The following PDE7B variants were observed in gnomAD, a reference collection of about 807,000 sequenced individuals.
PDE7B encodes the protein phosphodiesterase 7B.
Under a neutral mutation model 56.2 loss-of-function variants are expected in PDE7B, and 29 were observed. The ratio of observed to expected loss-of-function variants is 0.52; its 90% CI spans 0.38 to 0.70. PDE7B has a LOEUF of 0.70. PDE7B is among the 30% of genes least tolerant of loss of function. The pLI, the probability that PDE7B is intolerant of heterozygous loss-of-function variation, is 0.00. For missense variants in PDE7B, 490 were observed against 565.0 expected (o/e 0.87, Z 1.35); for synonymous variants, 197 against 196.9 (o/e 1.00, Z 0.00).
chr6:135,902,069 C>A (rs949703984), intron 1 of PDE7B, among the ~76,000 whole-genome samples: 1 of 152,080 alleles, frequency 6.6e-6, no homozygotes, highest in South Asian at 2.1e-4. Context: ...TTCCTCTTAC[C>A]GGACACTAAG....
At chr6:136,040,959 G>A (rs914431469) in intron 2 of PDE7B, among the ~76,000 whole-genome samples, 4 of 152,118 alleles carry the variant, frequency 2.6e-5, no homozygotes, top group Non-Finnish European at 5.9e-5. Flanking sequence ...ATCTTTACCT[G>A]TAGTTACTTA....
intron 2 of PDE7B, among the ~76,000 whole-genome samples, chr6:135,955,811 T>C (rs1278913049): frequency 1.3e-5 from 2 of 152,174 alleles, no homozygotes; most frequent in African/African-American, 2.4e-5. Context: ...GATAGAACTC[T>C]ACAATGGGTT....
In PDE7B at chr6:136,192,628, T is replaced by A. The variant is rs1779249499; in HGVS notation, c.*788T>A. On this transcript the variant is annotated 3_prime_UTR_variant, in exon 13 of 13. Coordinates refer to ENST00000308191, the MANE Select transcript of PDE7B (RefSeq NM_018945.4). ...ACATGTTTATATTCACCCATGTACA[T>A]TTTCTGTAAATACCAAACGCTACTG... 6.6e-6 allele frequency: 1 copy of A among 152,626 alleles called. No individual in the cohort carries two copies. Among genetic ancestry groups the A allele is most frequent in the African/African-American group, 2.4e-5 (1 of 41,436 alleles). 9.5% of individuals were successfully genotyped at this position (152,626 alleles called of 1,614,324 possible).
chr6:136,119,046 G>A (rs1777885682), intron 3 of PDE7B, among the ~76,000 whole-genome samples: 1 of 152,150 alleles, frequency 6.6e-6, no homozygotes, highest in Non-Finnish European at 1.5e-5. Flanking sequence ...ATACTTGTAA[G>A]CTGCCCCCAA....
intron 2 of PDE7B, among the ~76,000 whole-genome samples, chr6:136,016,602 A>G (rs1775982243): frequency 6.6e-6 from 1 of 152,226 alleles, no homozygotes; most frequent in South Asian, 2.1e-4. Context: ...AATGTTGCAC[A>G]GCAGGACTAT....
intron 2 of PDE7B, among the ~76,000 whole-genome samples, chr6:136,012,085 G>T (rs1038304723): frequency 5.9e-5 from 9 of 151,900 alleles, no homozygotes; most frequent in African/African-American, 2.2e-4. Flanking sequence ...TGTTCTACTT[G>T]CCCTGGCTCA....
intron 1 of PDE7B, among the ~76,000 whole-genome samples, chr6:135,855,502 G>T (rs1775009758): frequency 6.6e-6 from 1 of 152,094 alleles, no homozygotes; most frequent in African/African-American, 2.4e-5. Flanking sequence ...TTTCTATTTA[G>T]GTATTTATTT....
At chr6:136,110,234 C>A (rs576763795) in intron 3 of PDE7B, among the ~76,000 whole-genome samples, 22 of 152,200 alleles carry the variant, frequency 1.4e-4, no homozygotes, top group African/African-American at 5.3e-4. Context: ...GCCATTAGAC[C>A]AATGCAATAT....
chr6:135,928,499 A>T (rs867068982), intron 1 of PDE7B, among the ~76,000 whole-genome samples: 5 of 96,220 alleles, frequency 5.2e-5, no homozygotes, highest in African/African-American at 8.7e-5. Context: ...ATATATATAT[A>T]TTTATATATA....
At position 136,154,114 on chromosome 6, in the gene PDE7B, A is replaced by T; in HGVS notation, c.518A>T (p.His173Leu). ...GATTACCACAGCCAAAACCCGTATC[A>T]CAATGCTGTTCACGCAGCCGACGTC... The part of the protein sequence containing the change: ...QEDYHSQNPY[H>L]NAVHAADVTQ... The change falls in exon 7 of 13, where the codon CAC becomes CTC. Residue 173 changes from histidine to leucine, a missense_variant. His to Leu is a moderately conservative substitution (Grantham distance 99). Transcript: ENST00000308191. 6.2e-7 allele frequency: 1 copy of T among 1,613,984 alleles called. No homozygotes were observed. Among genetic ancestry groups the T allele is most frequent in the Non-Finnish European group, 8.5e-7 (1 of 1,179,944 alleles).
intron 3 of PDE7B, among the ~76,000 whole-genome samples, chr6:136,142,956 G>A (rs1778352828): frequency 1.3e-5 from 2 of 151,990 alleles, no homozygotes; most frequent in African/African-American, 2.4e-5. Flanking sequence ...TTACATTTAA[G>A]GTTAATATTG....
At chr6:136,050,709 A>G (rs2128211138) in intron 2 of PDE7B, among the ~76,000 whole-genome samples, 1 of 152,298 alleles carries the variant, frequency 6.6e-6, no homozygotes. Flanking sequence ...AGTGGTGACC[A>G]TGATTCAGGG....
At chr6:136,130,303 G>C (rs1162403477) in intron 3 of PDE7B, among the ~76,000 whole-genome samples, 2 of 152,112 alleles carry the variant, frequency 1.3e-5, no homozygotes, top group Non-Finnish European at 2.9e-5. Context: ...ATGGGTGCTT[G>C]AATGTCTCTT....
chr6:135,906,813 T>TTTTTTTTTTTTTTTTTTTTTTTTTTG (rs1562434058), intron 1 of PDE7B, among the ~76,000 whole-genome samples: 3 of 109,294 alleles, frequency 2.7e-5, no homozygotes, highest in African/African-American at 1.0e-4. Context: ...GAGGTTTGTT[T>TTTTTTTTTTTTTTTTTTTTTTTTTTG]TTTTTTTTTT....
intron 1 of PDE7B, among the ~76,000 whole-genome samples, chr6:135,862,700 G>T (rs1269121152): frequency 6.6e-6 from 1 of 151,472 alleles, no homozygotes; most frequent in Admixed American, 6.6e-5. Flanking sequence ...TATTTTTATG[G>T]GCTATTCAGA....
chr6:135,859,326 C>A (rs181089344), intron 1 of PDE7B, among the ~76,000 whole-genome samples: 12 of 151,604 alleles, frequency 7.9e-5, no homozygotes, highest in Admixed American at 6.5e-4. Flanking sequence ...TAAATAAAAA[C>A]CTAATTTCAA....
chr6:136,006,875 CTCT>C (rs1219990004), intron 2 of PDE7B, among the ~76,000 whole-genome samples: 1 of 152,142 alleles, frequency 6.6e-6, no homozygotes, highest in African/African-American at 2.4e-5. Flanking sequence ...GTTTGACTTC[CTCT>C]TTTCCAATTT....
chr6:136,137,590 C>A (rs1230211689), intron 3 of PDE7B, among the ~76,000 whole-genome samples: 1 of 151,992 alleles, frequency 6.6e-6, no homozygotes, highest in African/African-American at 2.4e-5. Context: ...TTTCAGGGAA[C>A]CAGATATACA....
Position 136,056,512 on chromosome 6 carries a change from CTTTTTTTTTTTTTTTTTTTTTTT to C in PDE7B, c.83-52204_83-52182del, listed in dbSNP as rs542232291. Reference sequence around the variant, plus strand: ...TCTGAGCTCCTTTGCAGATAGAATCCTTTTTTTTTTTTTTTTTTTTTTTTTTTTTTTTTTTTTGACAAGAGTTT... The same window carrying C: ...TCTGAGCTCCTTTGCAGATAGAATCCTTTTTTTTTTTTTTGACAAGAGTTT... On this transcript the variant is annotated intron_variant, in intron 2 of 12. Transcript: ENST00000308191. 1.7e-3 allele frequency among the ~76,000 whole-genome samples: 91 copies of C among 53,940 alleles called. 2 individuals are homozygous for C. Among genetic ancestry groups the C allele is most frequent in the African/African-American group, 6.8e-3 (71 of 10,488 alleles). The allele number at this position is 53,940 out of a possible 152,430, so 35.4% of individuals were successfully genotyped here. A position where few individuals can be genotyped will look rare whatever the true frequency, so the allele number is the denominator to read the frequency against.
Sources: gnomAD v4.1 joint callset for allele counts (sites outside exome capture counted in the v4.1 genomes callset) on GRCh38, gnomAD v4.1.1 for gene constraint, MANE v1.5 for transcripts, NCBI Gene and HGNC (gene_info 2026-07-23, HGNC 2026-07-21) for gene names.